PPP2R2C: variants seen among roughly 807,000 people sequenced by gnomAD.
The protein encoded by PPP2R2C is protein phosphatase 2 regulatory subunit Bgamma.
PPP2R2C carries 10 observed loss-of-function variants against 45.3 expected under a neutral mutation model. That is an observed-to-expected ratio of 0.22 (90% CI 0.14 to 0.37). The LOEUF is 0.37. Among genes scored for constraint, PPP2R2C ranks in the 10% least tolerant of loss-of-function variants. The pLI, the probability that PPP2R2C is intolerant of heterozygous loss-of-function variation, is 1.00. For missense variants in PPP2R2C, 308 were observed against 619.7 expected (o/e 0.50, Z 5.34); for synonymous variants, 257 against 245.4 (o/e 1.05, Z -0.44).
intron 2 of PPP2R2C, among the ~76,000 whole-genome samples, chr4:6,481,043 T>G (rs1322522995): frequency 6.6e-6 from 1 of 152,252 alleles, no homozygotes. Flanking sequence ...TATAATTGTA[T>G]CCTCTGCTGT....
intron 1 of PPP2R2C, among the ~76,000 whole-genome samples, chr4:6,421,970 T>C (rs16838796): frequency 0.017 from 2,606 of 152,150 alleles, 81 homozygotes; most frequent in African/African-American, 0.06. Flanking sequence ...AGAAATCCCA[T>C]AATGTTTCAA....
intron 1 of PPP2R2C, among the ~76,000 whole-genome samples, chr4:6,542,298 T>C (rs537233274): frequency 4.8e-4 from 73 of 152,218 alleles, no homozygotes; most frequent in Non-Finnish European, 8.5e-4. Flanking sequence ...CCAAACCTCA[T>C]GATCATCTTC....
chr4:6,362,473 A>G (rs1225273791), intron 5 of PPP2R2C, among the ~76,000 whole-genome samples: 1 of 152,212 alleles, frequency 6.6e-6, no homozygotes, highest in Non-Finnish European at 1.5e-5. Context: ...CCATACAGCT[A>G]CTGACAGCCA....
rs1464501071 is a variant in PPP2R2C at position 6,503,805 on chromosome 4, A to AC, written c.49+31465_49+31466insG. Among the ~76,000 whole-genome samples the AC allele has an allele frequency of 5.3e-5, 8 of 152,054 alleles. No individual in the cohort carries two copies. In the South Asian group the frequency reaches 8.3e-4, roughly 16 times the overall value. On this transcript the variant is annotated intron_variant, in intron 2 of 9. Coordinates refer to the PPP2R2C transcript ENST00000506140. ...ATACTACTTGGCAATTAAAAAAAAA[A>AC]AAACAAAAACTGAGAATTCTGCTTC...
intron 4 of PPP2R2C, among the ~76,000 whole-genome samples, chr4:6,373,677 C>G (rs886187289): frequency 6.6e-6 from 1 of 152,228 alleles, no homozygotes. Flanking sequence ...CAGGGAACAG[C>G]TGAGATGGGA....
upstream of PPP2R2C, among the ~76,000 whole-genome samples, chr4:6,477,126 A>C (rs1377389711): frequency 6.6e-6 from 1 of 152,044 alleles, no homozygotes; most frequent in African/African-American, 2.4e-5. Context: ...ATGGTGGTGC[A>C]TGCTTGTGGT....
At chr4:6,367,220 T>C (rs1714401717) in intron 5 of PPP2R2C, among the ~76,000 whole-genome samples, 1 of 152,170 alleles carries the variant, frequency 6.6e-6, no homozygotes, top group South Asian at 2.1e-4. Context: ...TTTTCTCCTT[T>C]ACTAAGAAAC....
Position 6,472,151 on chromosome 4 carries a change from G to A in PPP2R2C, c.70+9C>T, listed in dbSNP as rs1350950066. On this transcript the variant is annotated intron_variant, in intron 1 of 8. Transcript: ENST00000382599. Reference sequence around the variant, plus strand: ...CGGCCGGAGGGGTCTCAGACAACACGTACGTTACCTTCAGTCACATAGCTG... The same window carrying A: ...CGGCCGGAGGGGTCTCAGACAACACATACGTTACCTTCAGTCACATAGCTG... 11 of 1,613,418 alleles carry A rather than the reference G, an allele frequency of 6.8e-6. No individual in the cohort carries two copies. The East Asian group carries it at 2.0e-4, about 29-fold the overall frequency.
chr4:6,366,672 T>C (rs1248036809), intron 5 of PPP2R2C, among the ~76,000 whole-genome samples: 1 of 152,128 alleles, frequency 6.6e-6, no homozygotes, highest in Admixed American at 6.5e-5. Flanking sequence ...TGTGAGATGC[T>C]GCAAGTGGGC....
In PPP2R2C at chr4:6,368,858, A is replaced by G. The variant is rs926512160; in HGVS notation, c.625+3665T>C. Among the ~76,000 whole-genome samples, 2 of 152,082 alleles carry G rather than the reference A, an allele frequency of 1.3e-5. No individual in the cohort carries two copies. Among genetic ancestry groups the G allele is most frequent in the Admixed American group, 6.6e-5 (1 of 15,260 alleles). ...ACACCCACGACATACACACCTCCAA[A>G]GCTGGCTAGTGACACGCCCCTGTTT... On this transcript the variant is annotated intron_variant, in intron 5 of 8. Transcript: ENST00000382599. This position sits in a 1 kb window ranked among gnomAD's most constrained non-coding sequence, Gnocchi z 4.2.
chr4:6,546,403 C>T (rs1724986655), intron 1 of PPP2R2C, among the ~76,000 whole-genome samples: 1 of 152,158 alleles, frequency 6.6e-6, no homozygotes, highest in Non-Finnish European at 1.5e-5. Context: ...CTTGAGATTA[C>T]TAAAATCTGC....
intron 1 of PPP2R2C, among the ~76,000 whole-genome samples, chr4:6,469,602 G>T (rs929770284): frequency 6.6e-6 from 1 of 152,170 alleles, no homozygotes; most frequent in Non-Finnish European, 1.5e-5. Flanking sequence ...CAGCAACCCT[G>T]TATGAAAGGT....
intron 1 of PPP2R2C, among the ~76,000 whole-genome samples, chr4:6,407,974 A>G (rs987602576): frequency 2.0e-4 from 30 of 152,338 alleles, no homozygotes; most frequent in Middle Eastern, 6.8e-3. Context: ...AGAATGTAAA[A>G]TGTCTCAATT....
At chr4:6,347,789 T>TACCC in intron 6 of PPP2R2C, 57 bp downstream of exon 6, 16 of 1,033,614 alleles carry the variant, frequency 1.5e-5, no homozygotes, top group South Asian at 4.3e-5. Context: ...GGACAGGACA[T>TACCC]CCCACCCGCC....
intron 1 of PPP2R2C, chr4:6,382,246 C>G (rs984978395): frequency 8.2e-7 from 1 of 1,219,452 alleles, no homozygotes; most frequent in Non-Finnish European, 1.0e-6. Flanking sequence ...CGGGATGGCC[C>G]GCTGCTGTGA....
intron 1 of PPP2R2C, chr4:6,421,019 C>T: frequency 5.1e-6 from 5 of 985,216 alleles, no homozygotes; most frequent in Non-Finnish European, 6.0e-6. Context: ...AGGAGGGCTT[C>T]GTGGAGGAAG....
chr4:6,418,997 C>T (rs1407978510), intron 1 of PPP2R2C, among the ~76,000 whole-genome samples: 5 of 152,202 alleles, frequency 3.3e-5, no homozygotes, highest in African/African-American at 9.6e-5. Flanking sequence ...CCGTTGACAG[C>T]GGAGGAAACC....
chr4:6,500,833 C>T (rs1299274907), intron 2 of PPP2R2C, among the ~76,000 whole-genome samples: 1 of 152,248 alleles, frequency 6.6e-6, no homozygotes, highest in African/African-American at 2.4e-5. Context: ...TTATCTAAAA[C>T]CCTGCAGGGC....
chr4:6,380,960 A>G, intron 2 of PPP2R2C, 37 bp downstream of exon 2: 1 of 1,232,780 alleles, frequency 8.1e-7, no homozygotes, highest in South Asian at 2.3e-5. Context: ...TCTGCTCCCC[A>G]CCCCTCCCAC....
Sources: allele counts gnomAD v4.1 joint callset (sites outside exome capture counted in the v4.1 genomes callset), GRCh38; gene constraint gnomAD v4.1.1; non-coding constraint Gnocchi (gnomAD v3.1); transcripts MANE v1.5; gene names NCBI Gene and HGNC (gene_info 2026-07-23, HGNC 2026-07-21).